TENM4: variants seen among roughly 807,000 people sequenced by gnomAD.
TENM4 encodes teneurin-4.
TENM4 carries 82 observed loss-of-function variants against 243.3 expected under a neutral mutation model. The ratio of observed to expected loss-of-function variants is 0.34; its 90% CI spans 0.28 to 0.40. The LOEUF is 0.40. TENM4 is among the 10% of genes least tolerant of loss of function. The probability of loss-of-function intolerance (pLI) is 1.00; values close to 1 mark genes in which losing one functional copy is unlikely to be tolerated. For synonymous variants in TENM4, 1,412 were observed against 1,456.3 expected (o/e 0.97, Z 0.69); for missense variants, 3,138 against 3,673.3 (o/e 0.85, Z 3.77).
chr11:79,360,652 G>C (rs1857573537), intron 1 of TENM4, among the ~76,000 whole-genome samples: 1 of 152,172 alleles, frequency 6.6e-6, no homozygotes, highest in South Asian at 2.1e-4. Flanking sequence ...GCCTCTGTTT[G>C]GTATTTTAAT....
At position 78,903,490 on chromosome 11, in the gene TENM4, A is replaced by G. The variant is rs1331038584; in HGVS notation, c.527T>C (p.Leu176Pro). The change falls in exon 7 of 34, where the codon CTC (leucine) becomes CCC (proline). Residue 176 changes from leucine (L) to proline (P), a missense_variant. Coordinates refer to ENST00000278550, the MANE Select transcript of TENM4 (RefSeq NM_001098816.3). ...HPGGLQNHARLRTPPPPLSHA... is the reference protein window; with the variant it reads ...HPGGLQNHARPRTPPPPLSHA... Reference sequence around the variant, plus strand: ...CGAGAGCGGCGGCGGCGGCGTCCGGAGCCGCGCGTGGTTCTGCAGGCCGCC... The same window carrying G: ...CGAGAGCGGCGGCGGCGGCGTCCGGGGCCGCGCGTGGTTCTGCAGGCCGCC... The G allele has an allele frequency of 3.9e-6, 6 of 1,547,242 alleles. No individual in the cohort carries two copies. The highest frequency in any genetic ancestry group is 5.2e-6 in the Non-Finnish European group (6 of 1,146,198).
At chr11:79,058,422 G>A (rs945962775) in intron 6 of TENM4, among the ~76,000 whole-genome samples, 5 of 152,022 alleles carry the variant, frequency 3.3e-5, no homozygotes, top group Non-Finnish European at 7.4e-5. Flanking sequence ...GTGGGCGCCT[G>A]TAGTCCCAGC....
intron 2 of TENM4, among the ~76,000 whole-genome samples, chr11:79,265,059 G>A (rs1215207232): frequency 6.6e-6 from 1 of 152,128 alleles, no homozygotes; most frequent in Non-Finnish European, 1.5e-5. Context: ...AATGTTTTTT[G>A]AGATACAGTA....
At chr11:79,339,115 A>T (rs374057436) in intron 1 of TENM4, among the ~76,000 whole-genome samples, 3 of 152,230 alleles carry the variant, frequency 2.0e-5, no homozygotes, top group Admixed American at 2.0e-4. Context: ...CTCCAACTCC[A>T]GCATCAGGAG....
intron 12 of TENM4, among the ~76,000 whole-genome samples, chr11:78,818,561 T>C (rs1031651441): frequency 2.0e-5 from 3 of 152,250 alleles, no homozygotes; most frequent in African/African-American, 7.2e-5. Flanking sequence ...AAAATGCTTA[T>C]GTATATATTT....
chr11:78,986,398 A>G (rs983903849), intron 6 of TENM4, among the ~76,000 whole-genome samples: 1 of 152,134 alleles, frequency 6.6e-6, no homozygotes, highest in African/African-American at 2.4e-5. Context: ...CCGCTTTCAG[A>G]TGAGGGAACT....
At chr11:79,261,329 C>G (rs1855792889) in intron 2 of TENM4, among the ~76,000 whole-genome samples, 2 of 152,208 alleles carry the variant, frequency 1.3e-5, no homozygotes, top group East Asian at 3.9e-4. Flanking sequence ...CCCCACAAAC[C>G]TGTACCAAAC....
At chr11:79,206,224 C>T (rs1213609187) in intron 3 of TENM4, among the ~76,000 whole-genome samples, 4 of 152,104 alleles carry the variant, frequency 2.6e-5, no homozygotes, top group African/African-American at 9.7e-5. Context: ...CCCTATGTTC[C>T]CAGAGAAGGC....
chr11:79,115,108 T>C (rs1861591266), intron 4 of TENM4, among the ~76,000 whole-genome samples: 1 of 152,020 alleles, frequency 6.6e-6, no homozygotes, highest in Non-Finnish European at 1.5e-5. Context: ...GAAAGGGAGA[T>C]AGTGAGGGCT....
At chr11:79,330,079 G>T (rs1164094768) in intron 1 of TENM4, among the ~76,000 whole-genome samples, 2 of 152,154 alleles carry the variant, frequency 1.3e-5, no homozygotes, top group African/African-American at 4.8e-5. Flanking sequence ...GCTCTCTAGG[G>T]GAAAAGCCCT....
intron 2 of TENM4, among the ~76,000 whole-genome samples, chr11:79,225,093 C>A (rs2135247335): frequency 6.6e-6 from 1 of 152,290 alleles, no homozygotes; most frequent in African/African-American, 2.4e-5. Context: ...TTCCCTGGCA[C>A]CTTCAGAGGA....
chr11:78,688,151 G>A lies in TENM4; in HGVS notation c.5163C>T (p.Asp1721=), dbSNP rs775746851. The change falls in exon 29 of 34, where the codon GAC becomes GAT. Residue 1721 remains aspartate (D), a synonymous_variant. Coordinates refer to ENST00000278550, the MANE Select transcript of TENM4 (RefSeq NM_001098816.3). ...GQVSSFRSDT[D]SSVHVQVETS... ...TCTCTACCTGGACATGCACTGAACT[G>A]TCTGTATCACTTCGGAAACTGCTCA... 1.2e-6 allele frequency: 2 copies of A among 1,613,852 alleles called. No individual in the cohort carries two copies. The highest frequency in any genetic ancestry group is 2.7e-5 in the African/African-American group (2 of 74,930).
intron 6 of TENM4, among the ~76,000 whole-genome samples, chr11:78,974,631 G>A (rs1432637561): frequency 6.6e-6 from 1 of 152,114 alleles, no homozygotes; most frequent in Non-Finnish European, 1.5e-5. Flanking sequence ...CCATGGGCCT[G>A]ACATAGAGCA....
intron 9 of TENM4, among the ~76,000 whole-genome samples, chr11:78,882,632 A>G (rs539340958): frequency 1.3e-5 from 2 of 152,234 alleles, no homozygotes; most frequent in Non-Finnish European, 2.9e-5. Context: ...AGAGATATTG[A>G]CAGTCTATAC....
At chr11:78,676,622 T>C (rs1485626910) in intron 29 of TENM4, among the ~76,000 whole-genome samples, 1 of 152,266 alleles carries the variant, frequency 6.6e-6, no homozygotes, top group Non-Finnish European at 1.5e-5. Flanking sequence ...TATTTCCAAA[T>C]GCCCTTACAT....
At chr11:79,108,533 T>C (rs984330457) in intron 4 of TENM4, among the ~76,000 whole-genome samples, 8 of 152,132 alleles carry the variant, frequency 5.3e-5, no homozygotes, top group African/African-American at 1.9e-4. Context: ...AGAACATATA[T>C]ATGTAGGTAT....
At chr11:78,940,568 C>T (rs925766878) in intron 6 of TENM4, among the ~76,000 whole-genome samples, 5 of 152,196 alleles carry the variant, frequency 3.3e-5, no homozygotes, top group Admixed American at 6.5e-5. Flanking sequence ...GGGCAGCAGG[C>T]TCAGACTGAA....
intron 6 of TENM4, among the ~76,000 whole-genome samples, chr11:78,909,213 T>C (rs1019147012): frequency 2.6e-5 from 4 of 152,218 alleles, no homozygotes; most frequent in African/African-American, 7.2e-5. Flanking sequence ...CAAACAGATA[T>C]ATACTACACA....
intron 11 of TENM4, among the ~76,000 whole-genome samples, chr11:78,854,701 G>A (rs906757393): frequency 6.6e-6 from 1 of 152,024 alleles, no homozygotes; most frequent in East Asian, 1.9e-4. Context: ...TGCAAGTCCT[G>A]ACAAGAATCT....
Sources: allele counts gnomAD v4.1 joint callset (sites outside exome capture counted in the v4.1 genomes callset), GRCh38; gene constraint gnomAD v4.1.1; transcripts MANE v1.5; gene names NCBI Gene and HGNC (gene_info 2026-07-23, HGNC 2026-07-21).